Variants in KPNA1 observed in about 807,000 individuals in gnomAD.
The protein encoded by KPNA1 is karyopherin subunit alpha 1.
Under a neutral mutation model 70.5 loss-of-function variants are expected in KPNA1, and 10 were observed. That is an observed-to-expected ratio of 0.14 (90% CI 0.09 to 0.24). The LOEUF is 0.24. Among genes scored for constraint, KPNA1 ranks in the 10% least tolerant of loss-of-function variants. KPNA1 has a pLI of 1.00. For missense variants in KPNA1, 397 were observed against 637.9 expected, an observed-to-expected ratio of 0.62 and a Z score of 4.07; for synonymous variants, 192 against 221.9, an observed-to-expected ratio of 0.87 and a Z score of 1.20.
intron 9 of KPNA1, among the ~76,000 whole-genome samples, chr3:122,445,634 A>G (rs1383766563): frequency 6.6e-6 from 1 of 152,244 alleles, no homozygotes; most frequent in Non-Finnish European, 1.5e-5. Context: ...TTAACCAGCT[A>G]ACATCATAAT....
At chr3:122,507,040 C>T (rs2076897959) in intron 1 of KPNA1, among the ~76,000 whole-genome samples, 1 of 152,146 alleles carries the variant, frequency 6.6e-6, no homozygotes, top group African/African-American at 2.4e-5. Flanking sequence ...GAAATGTTCA[C>T]AATGTATTGA....
intron 5 of KPNA1, among the ~76,000 whole-genome samples, chr3:122,457,194 C>CATA (rs1169429963): frequency 6.6e-6 from 1 of 152,154 alleles, no homozygotes; most frequent in Non-Finnish European, 1.5e-5. Context: ...AAGCTGTATT[C>CATA]CACTGAGATT....
chr3:122,444,847 A>G (rs1053376452), intron 9 of KPNA1, among the ~76,000 whole-genome samples: 1 of 152,242 alleles, frequency 6.6e-6, no homozygotes, highest in Non-Finnish European at 1.5e-5. Flanking sequence ...GCAGAAAGGA[A>G]TAGCATCAAC....
rs2075812168 is a variant in KPNA1, at chr3:122,425,573, T to A, written c.*1412A>T. 6.6e-6 allele frequency: 1 copy of A among 152,500 alleles called. No homozygotes were observed. The highest frequency in any genetic ancestry group is 1.5e-5 in the Non-Finnish European group (1 of 68,014). 9.4% of individuals were successfully genotyped at this position (152,500 alleles called of 1,614,324 possible). On this transcript the variant is annotated 3_prime_UTR_variant, in exon 14 of 14. Coordinates refer to ENST00000344337, the MANE Select transcript of KPNA1 (RefSeq NM_002264.4). ...AAGTCGTATTGAACTCATTTGCAGTTGTCTTGGCAATTAAGCGTATTTTTT... is the reference window on the plus strand; with the variant it reads ...AAGTCGTATTGAACTCATTTGCAGTAGTCTTGGCAATTAAGCGTATTTTTT...
At chr3:122,456,458 C>T (rs1215121730) in intron 5 of KPNA1, among the ~76,000 whole-genome samples, 1 of 152,022 alleles carries the variant, frequency 6.6e-6, no homozygotes, top group Non-Finnish European at 1.5e-5. Context: ...TAATAATAAC[C>T]TGGGTATACA....
chr3:122,484,663 AAAAT>A (rs1232236105), intron 2 of KPNA1, among the ~76,000 whole-genome samples: 4 of 151,418 alleles, frequency 2.6e-5, no homozygotes, highest in Non-Finnish European at 4.4e-5. Flanking sequence ...AATAATAAAA[AAAAT>A]AAATAAAATA....
At chr3:122,489,431 G>A (rs1050201291) in intron 2 of KPNA1, among the ~76,000 whole-genome samples, 1 of 151,436 alleles carries the variant, frequency 6.6e-6, no homozygotes, top group Non-Finnish European at 1.5e-5. Context: ...GGACTATAGC[G>A]TGCGCCACTA....
intron 1 of KPNA1, among the ~76,000 whole-genome samples, chr3:122,512,073 G>A (rs141038958): frequency 7.2e-5 from 11 of 152,204 alleles, no homozygotes; most frequent in African/African-American, 2.2e-4. Context: ...TCCAGGTTAC[G>A]TATAAAATAA....
At chr3:122,434,638 T>G (rs939258719) in intron 11 of KPNA1, among the ~76,000 whole-genome samples, 2 of 152,190 alleles carry the variant, frequency 1.3e-5, no homozygotes, top group Non-Finnish European at 2.9e-5. Flanking sequence ...TCCTTTGGCA[T>G]TGCCATGCTA....
At chr3:122,469,598 T>C (rs893554595) in intron 2 of KPNA1, among the ~76,000 whole-genome samples, 6 of 152,160 alleles carry the variant, frequency 3.9e-5, no homozygotes, top group African/African-American at 7.2e-5. Context: ...TCCTCCCCAG[T>C]TCATCTGCAT....
intron 1 of KPNA1, among the ~76,000 whole-genome samples, chr3:122,509,078 T>C (rs553588936): frequency 3.9e-5 from 6 of 152,068 alleles, no homozygotes; most frequent in African/African-American, 1.2e-4. Context: ...AAACCCCGTA[T>C]CTACTAAAAA....
At chr3:122,435,911 A>C (rs1032380254) in intron 11 of KPNA1, among the ~76,000 whole-genome samples, 5 of 152,248 alleles carry the variant, frequency 3.3e-5, no homozygotes, top group Admixed American at 2.6e-4. Flanking sequence ...CCTTGAAAAA[A>C]GAAGAGGATA....
intron 9 of KPNA1, among the ~76,000 whole-genome samples, chr3:122,447,978 A>C (rs2076158467): frequency 6.6e-6 from 1 of 152,238 alleles, no homozygotes; most frequent in Non-Finnish European, 1.5e-5. Context: ...TCTCAAAAGA[A>C]GACTTTTATG....
intron 1 of KPNA1, among the ~76,000 whole-genome samples, chr3:122,501,722 G>A (rs930559660): frequency 6.6e-6 from 1 of 152,100 alleles, no homozygotes; most frequent in Non-Finnish European, 1.5e-5. Context: ...TGGTAGTGTG[G>A]TCTATACATG....
chr3:122,427,042 G>A lies in KPNA1; in HGVS notation c.1560C>T (p.Asn520=), dbSNP rs939941823. 9.9e-6 allele frequency: 16 copies of A among 1,614,076 alleles called. No homozygotes were observed. Among genetic ancestry groups the A allele is most frequent in the Non-Finnish European group, 1.3e-5 (15 of 1,180,030 alleles). Residue 520 remains asparagine (N), a synonymous_variant, in exon 14 of 14, where the codon AAC becomes AAT. Coordinates refer to ENST00000344337, the MANE Select transcript of KPNA1 (RefSeq NM_002264.4). Reference sequence around the variant, plus strand: ...ACTGTTGGAAGATGTACTGCTGCTGGTTAAGGTCAACCTGGGGTGCAATGC... The same window carrying A: ...ACTGTTGGAAGATGTACTGCTGCTGATTAAGGTCAACCTGGGGTGCAATGC... The part of the protein sequence containing the change: ...DSSIAPQVDL[N]QQQYIFQQCE...
chr3:122,459,893 T>C, intron 5 of KPNA1: 1 of 985,266 alleles, frequency 1.0e-6, no homozygotes, highest in Non-Finnish European at 1.2e-6. Flanking sequence ...AATCATCAAG[T>C]TGTATGAATA....
intron 2 of KPNA1, among the ~76,000 whole-genome samples, chr3:122,473,323 T>C (rs1289362667): frequency 6.6e-6 from 1 of 152,204 alleles, no homozygotes; most frequent in Non-Finnish European, 1.5e-5. Flanking sequence ...ACCCATTCTG[T>C]ACCATCTCCT....
chr3:122,462,385 C>T (rs890698636), intron 4 of KPNA1, among the ~76,000 whole-genome samples: 2 of 152,038 alleles, frequency 1.3e-5, no homozygotes, highest in African/African-American at 4.8e-5. Flanking sequence ...ATTACTATGC[C>T]ATGACTATCA....
chr3:122,440,993 G>A (rs9833415), intron 10 of KPNA1, among the ~76,000 whole-genome samples: 21,181 of 152,150 alleles, frequency 0.14, 1,588 homozygotes, highest in East Asian at 0.32. Flanking sequence ...ATTAGAAAAG[G>A]CATTAAATGT....
Sources: allele counts gnomAD v4.1 joint callset (sites outside exome capture counted in the v4.1 genomes callset), GRCh38; gene constraint gnomAD v4.1.1; transcripts MANE v1.5; gene names NCBI Gene and HGNC (gene_info 2026-07-23, HGNC 2026-07-21).